The following THSD7B variants were observed in gnomAD, a reference collection of about 807,000 sequenced individuals.
THSD7B encodes thrombospondin type-1 domain-containing protein 7B.
THSD7B carries 138 observed loss-of-function variants against 213.6 expected under a neutral mutation model. That is an observed-to-expected ratio of 0.65 (90% confidence interval 0.56 to 0.74). The LOEUF (loss-of-function observed/expected upper bound fraction) is 0.74. THSD7B is among the 30% of genes least tolerant of loss of function. The pLI is 0.00. For missense variants in THSD7B, 1,931 were observed against 1,991.5 expected (o/e 0.97, Z 0.58); for synonymous variants, 742 against 687.0 (o/e 1.08, Z -1.25).
chr2:137,549,430 G>T (rs1397333077), intron 15 of THSD7B, among the ~76,000 whole-genome samples: 1 of 141,926 alleles, frequency 7.0e-6, no homozygotes, highest in Admixed American at 7.9e-5. Flanking sequence ...ACCTATCCTT[G>T]CACTAGACTC....
intron 10 of THSD7B, among the ~76,000 whole-genome samples, chr2:137,263,078 A>T: frequency 6.6e-6 from 1 of 152,108 alleles, no homozygotes; most frequent in African/African-American, 2.4e-5. Flanking sequence ...AGGATATTGG[A>T]AGGAGTCCCT....
chr2:137,079,954 C>T (rs1687708601), intron 3 of THSD7B, among the ~76,000 whole-genome samples: 1 of 152,002 alleles, frequency 6.6e-6, no homozygotes, highest in Admixed American at 6.5e-5. Context: ...ATTCTCTTAC[C>T]TCAGCCTCCT....
intron 4 of THSD7B, among the ~76,000 whole-genome samples, chr2:137,099,387 A>G (rs1422447164): frequency 6.6e-6 from 1 of 152,216 alleles, no homozygotes; most frequent in Non-Finnish European, 1.5e-5. Context: ...ACTGTTTAGT[A>G]GATGGGGTAA....
At chr2:137,248,140 G>A (rs1379684029) in intron 10 of THSD7B, among the ~76,000 whole-genome samples, 1 of 152,106 alleles carries the variant, frequency 6.6e-6, no homozygotes, top group Non-Finnish European at 1.5e-5. Flanking sequence ...TAGTGGTGGA[G>A]GATGAGAAAT....
At chr2:137,519,229 C>T (rs1353428955) in intron 15 of THSD7B, among the ~76,000 whole-genome samples, 2 of 138,118 alleles carry the variant, frequency 1.4e-5, no homozygotes, top group African/African-American at 5.8e-5. Flanking sequence ...TCTAGCCTGG[C>T]AAGAGAGTGA....
At chr2:137,495,165 C>G (rs958591458) in intron 15 of THSD7B, among the ~76,000 whole-genome samples, 2 of 151,970 alleles carry the variant, frequency 1.3e-5, no homozygotes, top group Non-Finnish European at 2.9e-5. Context: ...TATTTTTTTT[C>G]TATTTAGTGG....
chr2:136,977,235 G>C (rs1186029841), intron 2 of THSD7B, among the ~76,000 whole-genome samples: 2 of 152,166 alleles, frequency 1.3e-5, no homozygotes, highest in African/African-American at 4.8e-5. Flanking sequence ...GCATAGAGAT[G>C]TTTATAGTAT....
chr2:137,303,174 C>T (rs960660257), intron 12 of THSD7B, among the ~76,000 whole-genome samples: 1 of 152,144 alleles, frequency 6.6e-6, no homozygotes, highest in African/African-American at 2.4e-5. Context: ...GTGCCCACTG[C>T]CGCACATGGC....
chr2:136,827,542 C>CA (rs1206208303), intron 1 of THSD7B, among the ~76,000 whole-genome samples: 4 of 152,124 alleles, frequency 2.6e-5, no homozygotes, highest in Non-Finnish European at 5.9e-5. Context: ...AGTGTTGCTG[C>CA]AGTTTAGTGA....
intron 7 of THSD7B, among the ~76,000 whole-genome samples, chr2:137,218,546 C>T (rs1288687339): frequency 7.1e-6 from 1 of 141,014 alleles, no homozygotes; most frequent in East Asian, 2.0e-4. Flanking sequence ...GTTTGTTCTT[C>T]TTTAGAATTC....
chr2:137,281,353 T>A lies in THSD7B; in HGVS notation c.2500+5327T>A, dbSNP rs187454654. ...AATTAGTTGTGGATTACCTTTAGTTTTATTTATTTATTTATTTTTTTACTG... is the reference window on the plus strand; with the variant it reads ...AATTAGTTGTGGATTACCTTTAGTTATATTTATTTATTTATTTTTTTACTG... On this transcript the variant is annotated intron_variant, in intron 12 of 27. Coordinates refer to ENST00000409968, the MANE Select transcript of THSD7B (RefSeq NM_001316349.2). Among the ~76,000 whole-genome samples, 454 of 152,036 alleles carry A rather than the reference T, an allele frequency of 3.0e-3. 4 individuals carry two copies. The highest frequency in any genetic ancestry group is 0.01 in the African/African-American group (430 of 41,516).
intron 12 of THSD7B, among the ~76,000 whole-genome samples, chr2:137,393,785 A>C (rs1558781595): frequency 7.1e-6 from 1 of 141,472 alleles, no homozygotes; most frequent in African/African-American, 2.6e-5. Context: ...CAACAGTGTA[A>C]AAGTGTTCCC....
intron 2 of THSD7B, among the ~76,000 whole-genome samples, chr2:136,988,682 G>A (rs1033256367): frequency 1.3e-5 from 2 of 152,106 alleles, no homozygotes; most frequent in Non-Finnish European, 2.9e-5. Context: ...CCAATTTTGG[G>A]CATGTAAATT....
intron 7 of THSD7B, among the ~76,000 whole-genome samples, chr2:137,207,032 G>GGA (rs2105029800): frequency 6.6e-6 from 1 of 152,116 alleles, no homozygotes; most frequent in South Asian, 2.1e-4. Context: ...GTTCAGAGGG[G>GGA]AGAGAGGATG....
At chr2:137,170,637 C>G (rs543160110) in intron 6 of THSD7B, 104 bp from the exon 7 acceptor site, 1 of 1,040,882 alleles carries the variant, frequency 9.6e-7, no homozygotes, top group African/African-American at 1.6e-5. Context: ...GTGCTTAGAG[C>G]GATGAGTACT....
At chr2:137,546,986 T>C (rs1680753582) in intron 15 of THSD7B, among the ~76,000 whole-genome samples, 1 of 152,030 alleles carries the variant, frequency 6.6e-6, no homozygotes, top group African/African-American at 2.4e-5. Flanking sequence ...GAAAGGTCTG[T>C]ATTAGTCTTT....
At chr2:137,382,107 G>A (rs60031551) in intron 12 of THSD7B, among the ~76,000 whole-genome samples, 4,908 of 152,262 alleles carry the variant, frequency 0.032, 287 homozygotes, top group African/African-American at 0.11. Context: ...GTACCACTAC[G>A]TGGTGGACTT....
At chr2:137,564,878 A>G (rs1222620057) in intron 16 of THSD7B, among the ~76,000 whole-genome samples, 4 of 152,126 alleles carry the variant, frequency 2.6e-5, no homozygotes. Flanking sequence ...CCCCTTCCCC[A>G]CAAAAAATAT....
intron 3 of THSD7B, among the ~76,000 whole-genome samples, chr2:137,075,210 C>T (rs1025221374): frequency 3.9e-5 from 6 of 152,252 alleles, no homozygotes; most frequent in African/African-American, 1.4e-4. Flanking sequence ...CTCCCCATCA[C>T]TTTCAGGTAC....
Sources: gnomAD v4.1 joint callset for allele counts (sites outside exome capture counted in the v4.1 genomes callset) on GRCh38, gnomAD v4.1.1 for gene constraint, MANE v1.5 for transcripts, NCBI Gene and HGNC (gene_info 2026-07-23, HGNC 2026-07-21) for gene names.